The following CPEB4 variants were observed in gnomAD, a reference collection of about 807,000 sequenced individuals.
The protein encoded by CPEB4 is cytoplasmic polyadenylation element-binding protein 4.
A neutral mutation model predicts 72.5 loss-of-function variants in CPEB4; 12 were observed. The ratio of observed to expected loss-of-function variants is 0.17; its 90% confidence interval spans 0.11 to 0.27. CPEB4 has a LOEUF of 0.27. Among genes scored for constraint, CPEB4 ranks in the 10% least tolerant of loss-of-function variants. The pLI, the probability that CPEB4 is intolerant of heterozygous loss-of-function variation, is 1.00. For synonymous variants in CPEB4, 302 were observed against 326.3 expected, an observed-to-expected ratio of 0.93 and a Z score of 0.80; for missense variants, 614 against 908.5, an observed-to-expected ratio of 0.68 and a Z score of 4.17.
At chr5:173,929,395 A>G (rs1433854290) in intron 2 of CPEB4, among the ~76,000 whole-genome samples, 2 of 152,098 alleles carry the variant, frequency 1.3e-5, no homozygotes, top group African/African-American at 4.8e-5. Context: ...TTGGATTCTC[A>G]TTGTTCATTA....
Position 173,958,523 on chromosome 5 carries a change from C to T in CPEB4, c.*2386C>T, listed in dbSNP as rs1366611048. On this transcript the variant is annotated 3_prime_UTR_variant, in exon 10 of 10. Coordinates refer to ENST00000265085, the MANE Select transcript of CPEB4 (RefSeq NM_030627.4). ...TACATTTTAAATTATGAATGTCGTGCACTGGCAATGCTATTTTAGAGTCTG... is the reference window on the plus strand; with the variant it reads ...TACATTTTAAATTATGAATGTCGTGTACTGGCAATGCTATTTTAGAGTCTG... 6.6e-6 allele frequency: 1 copy of T among 152,504 alleles called. No individual in the cohort carries two copies. Among genetic ancestry groups the T allele is most frequent in the Admixed American group, 6.6e-5 (1 of 15,240 alleles). The allele number at this position is 152,504 out of a possible 1,614,324, so 9.4% of individuals were successfully genotyped here. A position where few individuals can be genotyped will look rare whatever the true frequency, so the allele number is the denominator to read the frequency against.
chr5:173,955,590 G>A lies in CPEB4; in HGVS notation c.1963-320G>A, dbSNP rs1426872902. On this transcript the variant is annotated intron_variant, in intron 9 of 9. Coordinates refer to ENST00000265085, the MANE Select transcript of CPEB4 (RefSeq NM_030627.4). This position sits in a 1 kb window ranked among gnomAD's most constrained non-coding sequence, Gnocchi z 4.7. ...TCCACTAATTAAAATGAGGGTTTAT[G>A]TCTATGAATAATCTCCTGTGGGTTT... Among the ~76,000 whole-genome samples the A allele has an allele frequency of 6.6e-6, 1 of 152,164 alleles. No homozygotes were observed. The highest frequency in any genetic ancestry group is 1.5e-5 in the Non-Finnish European group (1 of 68,042).
chr5:173,933,993 G>A (rs62376958), intron 3 of CPEB4, among the ~76,000 whole-genome samples: 15,492 of 152,130 alleles, frequency 0.1, 1,039 homozygotes, highest in Middle Eastern at 0.21. Flanking sequence ...CACCAGCCTC[G>A]GCAACATGGC....
intron 1 of CPEB4, among the ~76,000 whole-genome samples, chr5:173,894,024 G>A (rs191584979): frequency 1.1e-3 from 170 of 152,072 alleles, no homozygotes; most frequent in Non-Finnish European, 2.0e-3. Context: ...ACAGGGTCTC[G>A]CTTTGTCACT....
intron 1 of CPEB4, among the ~76,000 whole-genome samples, chr5:173,904,182 A>G (rs892507741): frequency 6.6e-6 from 1 of 152,304 alleles, no homozygotes; most frequent in East Asian, 1.9e-4. Context: ...CCACTTACCT[A>G]ACATTGATGG....
rs879894576 is a variant in CPEB4, at chr5:173,955,338, C to CTT, written c.1963-558_1963-557dup. Among the ~76,000 whole-genome samples the CTT allele has an allele frequency of 2.8e-5, 4 of 141,940 alleles. No homozygotes were observed. The highest frequency in any genetic ancestry group is 7.1e-5 in the Admixed American group (1 of 14,072). 93.1% of individuals were successfully genotyped at this position (141,940 alleles called of 152,430 possible). ...TAGACTGTGAATCCTATGGCTGCAT[C>CTT]TTTTTTTTTTTTTTTAACAGAGTTC... On this transcript the variant is annotated intron_variant, in intron 9 of 9. Transcript: ENST00000265085. This position sits in a 1 kb window ranked among gnomAD's most constrained non-coding sequence, Gnocchi z 4.7.
At chr5:173,943,897 C>T (rs924034298) in intron 4 of CPEB4, among the ~76,000 whole-genome samples, 4 of 152,186 alleles carry the variant, frequency 2.6e-5, no homozygotes, top group African/African-American at 9.6e-5. Context: ...GATCCATTAA[C>T]AAATTCCTCA....
In CPEB4 at chr5:173,958,418, T is replaced by A; in HGVS notation, c.*2281T>A. On this transcript the variant is annotated 3_prime_UTR_variant, in exon 10 of 10. Coordinates refer to ENST00000265085, the MANE Select transcript of CPEB4 (RefSeq NM_030627.4). Reference sequence around the variant, plus strand: ...CTTTTATTACTGAGAGATCTTCATATACTTCATTTTTTAATATAAATAATT... The same window carrying A: ...CTTTTATTACTGAGAGATCTTCATAAACTTCATTTTTTAATATAAATAATT... The A allele has an allele frequency of 6.6e-6, 1 of 152,604 alleles. No individual in the cohort carries two copies. The highest frequency in any genetic ancestry group is 2.1e-4 in the South Asian group (1 of 4,838). 9.5% of individuals were successfully genotyped at this position (152,604 alleles called of 1,614,324 possible).
chr5:173,919,556 C>T (rs188353600), intron 2 of CPEB4, among the ~76,000 whole-genome samples: 2 of 152,278 alleles, frequency 1.3e-5, no homozygotes, highest in East Asian at 3.9e-4. Context: ...CTCTTGCTGT[C>T]TCATTTCCTG....
chr5:173,944,827 A>C, intron 4 of CPEB4, 140 bp from the exon 5 acceptor site: 3 of 687,650 alleles, frequency 4.4e-6, no homozygotes, highest in Non-Finnish European at 4.9e-6. Context: ...ATTCAAGAGT[A>C]TAGCTAAGTG....
chr5:173,934,319 A>T (rs1487417476), intron 3 of CPEB4, among the ~76,000 whole-genome samples: 1 of 152,182 alleles, frequency 6.6e-6, no homozygotes, highest in Non-Finnish European at 1.5e-5. Flanking sequence ...CAAAATATTT[A>T]TGTTTTCAAA....
Position 173,890,251 on chromosome 5 carries a change from C to T in CPEB4, c.518C>T (p.Ala173Val). The T allele has an allele frequency of 6.2e-7, 1 of 1,614,036 alleles. No homozygotes were observed. Among genetic ancestry groups the T allele is most frequent in the East Asian group, 2.2e-5 (1 of 44,882 alleles). Reference protein sequence around the residue: ...SSLTGFSNWSAAIAPSSSTII... With the variant: ...SSLTGFSNWSVAIAPSSSTII... ...CTTACTGGTTTCAGTAACTGGTCAG[C>T]AGCGATAGCGCCTTCCTCCTCTACA... The change falls in exon 1 of 10, where the codon GCA becomes GTA. Residue 173 changes from alanine (A) to valine (V), a missense_variant. Ala to Val is a moderately conservative substitution (Grantham distance 64). Coordinates refer to ENST00000265085, the MANE Select transcript of CPEB4 (RefSeq NM_030627.4).
intron 1 of CPEB4, among the ~76,000 whole-genome samples, chr5:173,891,819 G>A (rs1217981428): frequency 6.6e-6 from 1 of 152,026 alleles, no homozygotes; most frequent in African/African-American, 2.4e-5. Context: ...AATTTATAAG[G>A]GGTAAGAATC....
intron 8 of CPEB4, among the ~76,000 whole-genome samples, chr5:173,952,772 C>G (rs1302780657): frequency 6.6e-6 from 1 of 152,128 alleles, no homozygotes; most frequent in Non-Finnish European, 1.5e-5. Flanking sequence ...CATGGGAGTA[C>G]TATCACTTAA....
intron 2 of CPEB4, among the ~76,000 whole-genome samples, chr5:173,925,822 A>G (rs951518905): frequency 1.3e-5 from 2 of 152,230 alleles, no homozygotes; most frequent in Admixed American, 1.3e-4. Context: ...AGGTAGGAGC[A>G]GCACTTCTAG....
Position 173,910,567 on chromosome 5 carries a change from C to T in CPEB4, c.1170C>T (p.Leu390=), listed in dbSNP as rs760270553. Residue 390 remains leucine (L), a synonymous_variant, in exon 2 of 10, where the codon CTC becomes CTT. Transcript: ENST00000265085. ...ACATGCACTCACTGGAGAGTTCACT[C>T]ATTGACATAATGAGAGCTGAAAATG... ...TFDMHSLESS[L]IDIMRAENDT... 6.2e-7 allele frequency: 1 copy of T among 1,613,272 alleles called. No homozygotes were observed.
intron 5 of CPEB4, 53 bp from the exon 6 acceptor site, chr5:173,949,455 A>G (rs866601332): frequency 7.3e-7 from 1 of 1,360,598 alleles, no homozygotes; most frequent in Middle Eastern, 1.8e-4. Context: ...AAAACTTTCA[A>G]AAAATGATCA....
At chr5:173,938,167 T>A (rs1347629819) in intron 3 of CPEB4, among the ~76,000 whole-genome samples, 2 of 152,194 alleles carry the variant, frequency 1.3e-5, no homozygotes, top group Non-Finnish European at 2.9e-5. Context: ...GGCTAATTTC[T>A]ACACTCCTCT....
chr5:173,900,317 A>G lies in CPEB4; in HGVS notation c.1125+9459A>G, dbSNP rs1303007640. Reference sequence around the variant, plus strand: ...CTATTCTGGAGGCTGAGGCAGAATAATCACTTGAACCCAGGAGGCAGAGGT... The same window carrying G: ...CTATTCTGGAGGCTGAGGCAGAATAGTCACTTGAACCCAGGAGGCAGAGGT... On this transcript the variant is annotated intron_variant, in intron 1 of 9. Coordinates refer to ENST00000265085, the MANE Select transcript of CPEB4 (RefSeq NM_030627.4). This position sits in a 1 kb window ranked among gnomAD's most constrained non-coding sequence, Gnocchi z 4.4. Among the ~76,000 whole-genome samples, 2 of 152,114 alleles carry G rather than the reference A, an allele frequency of 1.3e-5. No individual in the cohort carries two copies. Among genetic ancestry groups the G allele is most frequent in the Non-Finnish European group, 2.9e-5 (2 of 68,012 alleles).
Sources: allele counts gnomAD v4.1 joint callset (sites outside exome capture counted in the v4.1 genomes callset), GRCh38; gene constraint gnomAD v4.1.1; non-coding constraint Gnocchi (gnomAD v3.1); transcripts MANE v1.5; gene names NCBI Gene and HGNC (gene_info 2026-07-23, HGNC 2026-07-21).